The following LSAMP variants were observed in gnomAD, a reference collection of about 807,000 sequenced individuals.
The protein encoded by LSAMP is limbic system associated membrane protein.
In LSAMP, 7 loss-of-function variants were observed where a neutral mutation model predicts 38.6. The observed-to-expected ratio is 0.18, with a 90% confidence interval of 0.10 to 0.34. LSAMP has a LOEUF of 0.34. Among genes scored for constraint, LSAMP ranks in the 10% least tolerant of loss-of-function variants. The pLI is 1.00. For missense variants in LSAMP, 313 were observed against 420.0 expected (o/e 0.75, Z 2.23); for synonymous variants, 154 against 166.8 (o/e 0.92, Z 0.59).
At chr3:116,131,433 G>A (rs1002492878) in intron 1 of LSAMP, among the ~76,000 whole-genome samples, 1 of 152,142 alleles carries the variant, frequency 6.6e-6, no homozygotes, top group Non-Finnish European at 1.5e-5. Context: ...ATCAGGGTCA[G>A]TGAAATAAAA....
At chr3:116,034,588 AATACC>A (rs1941006897) in intron 2 of LSAMP, among the ~76,000 whole-genome samples, 1 of 152,164 alleles carries the variant, frequency 6.6e-6, no homozygotes, top group Admixed American at 6.5e-5. Context: ...ACGAATCTTC[AATACC>A]ATGTGTAAAA....
chr3:116,000,206 T>C, intron 3 of LSAMP, among the ~76,000 whole-genome samples: 1 of 152,090 alleles, frequency 6.6e-6, no homozygotes, highest in Non-Finnish European at 1.5e-5. Flanking sequence ...ATAGCAAAAA[T>C]CTATGATTTA....
At chr3:116,046,123 A>T (rs1198975284) in intron 2 of LSAMP, among the ~76,000 whole-genome samples, 1 of 152,210 alleles carries the variant, frequency 6.6e-6, no homozygotes, top group Non-Finnish European at 1.5e-5. Flanking sequence ...TTCTCTAATA[A>T]GTCATATAAG....
At chr3:116,340,623 A>G (rs1402146519) in intron 1 of LSAMP, among the ~76,000 whole-genome samples, 2 of 152,072 alleles carry the variant, frequency 1.3e-5, no homozygotes. Flanking sequence ...TGCATATAAT[A>G]GTAGTATTTA....
intron 2 of LSAMP, among the ~76,000 whole-genome samples, chr3:116,034,467 A>G (rs1941002574): frequency 6.6e-6 from 1 of 151,882 alleles, no homozygotes. Context: ...TGGCCCCCAG[A>G]GACTTTGGAC....
At chr3:116,218,430 C>T (rs959345589) in intron 1 of LSAMP, among the ~76,000 whole-genome samples, 1 of 152,144 alleles carries the variant, frequency 6.6e-6, no homozygotes, top group African/African-American at 2.4e-5. Context: ...CACAAATTTG[C>T]TGTGTAACTT....
chr3:116,344,499 CT>C (rs2048038311), intron 1 of LSAMP, among the ~76,000 whole-genome samples: 1 of 152,074 alleles, frequency 6.6e-6, no homozygotes, highest in Admixed American at 6.6e-5. Context: ...TTTTATTATA[CT>C]CATAACCCTA....
rs537388769 is a variant in LSAMP at position 116,294,333 on chromosome 3, T to C, written c.155+150544A>G. Among the ~76,000 whole-genome samples the C allele has an allele frequency of 7.9e-5, 12 of 152,338 alleles. No individual in the cohort carries two copies. The South Asian group carries it at 2.5e-3, about 32-fold the overall frequency. On this transcript the variant is annotated intron_variant, in intron 1 of 6. Coordinates refer to ENST00000490035, the MANE Select transcript of LSAMP (RefSeq NM_002338.5). ...ATGCAATTTGGGGTCTTGATTTTAC[T>C]ACAATTATTCCAAATGTTGACTGCT... is the stretch of plus-strand genomic sequence containing the variant.
intron 1 of LSAMP, among the ~76,000 whole-genome samples, chr3:116,169,506 T>C (rs1409751392): frequency 6.6e-6 from 1 of 152,180 alleles, no homozygotes; most frequent in African/African-American, 2.4e-5. Context: ...CTTCTTCCTT[T>C]CTTCTTCACA....
chr3:116,413,608 T>C (rs1208937813), intron 1 of LSAMP, among the ~76,000 whole-genome samples: 1 of 152,012 alleles, frequency 6.6e-6, no homozygotes, highest in African/African-American at 2.4e-5. Context: ...TACTTTAAAT[T>C]GAATCAGCAC....
At chr3:116,429,605 C>T (rs928764166) in intron 1 of LSAMP, among the ~76,000 whole-genome samples, 24 of 152,060 alleles carry the variant, frequency 1.6e-4, no homozygotes, top group African/African-American at 4.6e-4. Context: ...ATACGACCAC[C>T]GCCACTACAT....
At chr3:116,319,722 G>C (rs958715492) in intron 1 of LSAMP, among the ~76,000 whole-genome samples, 2 of 151,520 alleles carry the variant, frequency 1.3e-5, no homozygotes, top group Non-Finnish European at 2.9e-5. Context: ...TGCTGCTACT[G>C]TTCAGAGGTA....
At chr3:115,863,473 T>C (rs1172511963) in intron 3 of LSAMP, among the ~76,000 whole-genome samples, 1 of 152,090 alleles carries the variant, frequency 6.6e-6, no homozygotes, top group Non-Finnish European at 1.5e-5. Flanking sequence ...ATTGGAATGC[T>C]TAAAGGACAT....
chr3:116,232,699 CTTTT>C (rs1219296323), intron 1 of LSAMP, among the ~76,000 whole-genome samples: 18 of 99,448 alleles, frequency 1.8e-4, no homozygotes, highest in East Asian at 3.4e-4. Flanking sequence ...TTCTTTCTTT[CTTTT>C]TTTTTTTTTT....
intron 1 of LSAMP, among the ~76,000 whole-genome samples, chr3:116,444,391 AAAC>A (rs1327130933): frequency 5.1e-5 from 1 of 19,670 alleles, no homozygotes; most frequent in Non-Finnish European, 9.4e-5. Context: ...TTGGCATGAA[AAAC>A]ACACACACAC....
At chr3:116,145,558 T>C (rs1218584821) in intron 1 of LSAMP, among the ~76,000 whole-genome samples, 1 of 151,952 alleles carries the variant, frequency 6.6e-6, no homozygotes, top group Non-Finnish European at 1.5e-5. Flanking sequence ...GTGATCTATT[T>C]TATTCAAAGT....
chr3:116,061,474 AG>A (rs1204141696), intron 2 of LSAMP, among the ~76,000 whole-genome samples: 2 of 152,068 alleles, frequency 1.3e-5, no homozygotes, highest in Non-Finnish European at 2.9e-5. Flanking sequence ...GAGGCATGGT[AG>A]GTGGTGGTGG....
At chr3:115,862,627 G>T (rs1935740285) in intron 3 of LSAMP, among the ~76,000 whole-genome samples, 1 of 152,182 alleles carries the variant, frequency 6.6e-6, no homozygotes, top group Admixed American at 6.5e-5. Flanking sequence ...AAGAGGAAAA[G>T]GTTTAAGTAT....
intron 3 of LSAMP, among the ~76,000 whole-genome samples, chr3:116,007,681 C>G (rs568139765): frequency 6.6e-6 from 1 of 152,126 alleles, no homozygotes; most frequent in African/African-American, 2.4e-5. Flanking sequence ...CACACACACA[C>G]AGTCACTGAA....
Sources: allele counts gnomAD v4.1 joint callset (sites outside exome capture counted in the v4.1 genomes callset), GRCh38; gene constraint gnomAD v4.1.1; transcripts MANE v1.5; gene names NCBI Gene and HGNC (gene_info 2026-07-23, HGNC 2026-07-21).